The following PCDHGA1 variants were observed in gnomAD, a reference collection of about 807,000 sequenced individuals.
PCDHGA1 encodes the protein protocadherin gamma-A1.
In PCDHGA1, 32 loss-of-function variants were observed where a neutral mutation model predicts 58.0. The observed-to-expected ratio is 0.55, with a 90% CI of 0.42 to 0.74. PCDHGA1 has a LOEUF of 0.74. PCDHGA1 is among the 30% of genes least tolerant of loss of function. PCDHGA1 has a pLI of 0.00. For missense variants in PCDHGA1, 1,205 were observed against 1,182.3 expected, an observed-to-expected ratio of 1.02 and a Z score of -0.28; for synonymous variants, 498 against 501.1, an observed-to-expected ratio of 0.99 and a Z score of 0.08.
intron 2 of PCDHGA1, among the ~76,000 whole-genome samples, chr5:141,501,015 C>T (rs950216755): frequency 6.6e-5 from 10 of 151,866 alleles, no homozygotes; most frequent in African/African-American, 2.4e-4. Context: ...ACTACAGGCA[C>T]GCGCCACCAC....
At chr5:141,448,926 C>T (rs528128105) in intron 1 of PCDHGA1, among the ~76,000 whole-genome samples, 5 of 152,256 alleles carry the variant, frequency 3.3e-5, no homozygotes, top group African/African-American at 9.6e-5. Context: ...GCCTGGGCGA[C>T]AGAGCAAGAC....
rs1246027327 is a variant in PCDHGA1, at chr5:141,491,976, C to A, written c.2422-2831C>A. On this transcript the variant is annotated intron_variant, in intron 1 of 3. Transcript: ENST00000517417. This position sits in a 1 kb window ranked among gnomAD's most constrained non-coding sequence, Gnocchi z 6.9. ...ACTCAAAAAAGGCCGGGGCCTCCTT[C>A]GAGCTTCCGGTGAATTTCGGGCGAT... 3 of 800,708 alleles carry A rather than the reference C, an allele frequency of 3.7e-6. No individual in the cohort carries two copies. The Admixed American group carries it at 1.1e-4, about 30-fold the overall frequency. 49.6% of individuals were successfully genotyped at this position (800,708 alleles called of 1,614,324 possible).
At chr5:141,395,348 A>T (rs2093219591) in intron 1 of PCDHGA1, 1 of 1,391,964 alleles carries the variant, frequency 7.2e-7, no homozygotes, top group East Asian at 2.4e-5. Flanking sequence ...AAGGTGTATC[A>T]CAGAGTTTTG....
intron 1 of PCDHGA1, among the ~76,000 whole-genome samples, chr5:141,401,668 A>G (rs2094180828): frequency 6.6e-6 from 1 of 152,254 alleles, no homozygotes; most frequent in Non-Finnish European, 1.5e-5. Flanking sequence ...TTTTCTCAAC[A>G]TCCTTGTAGG....
At chr5:141,483,258 T>G (rs2099579023) in intron 1 of PCDHGA1, among the ~76,000 whole-genome samples, 1 of 137,930 alleles carries the variant, frequency 7.3e-6, no homozygotes, top group South Asian at 2.1e-4. Flanking sequence ...TCATGAGGTT[T>G]TTTTGTTTTA....
intron 1 of PCDHGA1, chr5:141,362,349 G>A (rs765171901): frequency 1.2e-6 from 2 of 1,613,918 alleles, no homozygotes; most frequent in Admixed American, 1.7e-5. Flanking sequence ...CTGGACCTGG[G>A]GTTCTCCCCA....
At chr5:141,405,410 T>C (rs1483035668) in intron 1 of PCDHGA1, 2 of 1,557,296 alleles carry the variant, frequency 1.3e-6, no homozygotes, top group Non-Finnish European at 1.8e-6. Context: ...TTCTTTTCTT[T>C]TTTTGTTTTT....
chr5:141,375,216 T>A (rs1368760534), intron 1 of PCDHGA1: 1 of 1,614,014 alleles, frequency 6.2e-7, no homozygotes, highest in Admixed American at 1.7e-5. Context: ...GACTCTGGCC[T>A]GAATGGCCTG....
chr5:141,399,576 C>G, intron 1 of PCDHGA1: 1 of 1,614,028 alleles, frequency 6.2e-7, no homozygotes, highest in South Asian at 1.1e-5. Flanking sequence ...ACGGCCAAGT[C>G]TCCTACTCTA....
intron 1 of PCDHGA1, chr5:141,372,656 G>T: frequency 6.2e-7 from 1 of 1,613,956 alleles, no homozygotes; most frequent in Non-Finnish European, 8.5e-7. Flanking sequence ...CCTACAATCC[G>T]TGTGCTGCCT....
Position 141,486,775 on chromosome 5 carries a change from G to A in PCDHGA1, c.2422-8032G>A, listed in dbSNP as rs2099634725. On this transcript the variant is annotated intron_variant, in intron 1 of 3. Coordinates refer to ENST00000517417, the MANE Select transcript of PCDHGA1 (RefSeq NM_018912.3). This position sits in a 1 kb window ranked among gnomAD's most constrained non-coding sequence, Gnocchi z 5.0. ...AGCAAACCCAGACACTGCAGTTTGA[G>A]GTGCAGGCCCGGGATCGGGGCAACC... 7 of 1,614,122 alleles carry A rather than the reference G, an allele frequency of 4.3e-6. No individual in the cohort carries two copies. Among genetic ancestry groups the A allele is most frequent in the Non-Finnish European group, 5.9e-6 (7 of 1,180,060 alleles).
At chr5:141,399,380 T>A (rs1361218028) in intron 1 of PCDHGA1, 5 of 1,613,820 alleles carry the variant, frequency 3.1e-6, no homozygotes, top group Non-Finnish European at 4.2e-6. Context: ...AATGTCACCA[T>A]CACAGCCACA....
rs986276637 is a variant in PCDHGA1, at chr5:141,487,728, C to A, written c.2422-7079C>A. The A allele has an allele frequency of 3.2e-6, 5 of 1,570,444 alleles. No individual in the cohort carries two copies. The highest frequency in any genetic ancestry group is 2.3e-5 in the East Asian group (1 of 42,866). On this transcript the variant is annotated intron_variant, in intron 1 of 3. Transcript: ENST00000517417. The surrounding 1 kb of genome is among the most constrained non-coding windows in gnomAD (Gnocchi z 5.0). ...TCAGTAAGTGCCCATAGTGATGTCACCATTTTTGTAAGAGGTAACTATGTG... is the reference window on the plus strand; with the variant it reads ...TCAGTAAGTGCCCATAGTGATGTCAACATTTTTGTAAGAGGTAACTATGTG...
intron 1 of PCDHGA1, among the ~76,000 whole-genome samples, chr5:141,396,908 C>G (rs987572785): frequency 1.3e-5 from 2 of 152,146 alleles, no homozygotes; most frequent in Admixed American, 6.5e-5. Context: ...TGGCACTTTG[C>G]AATTTTAAAA....
Position 141,366,618 on chromosome 5 carries a change from C to T in PCDHGA1, c.2421+33513C>T, listed in dbSNP as rs781279706. Reference sequence around the variant, plus strand: ...CACGAGGTCTCCCTCACCGCGGACTCGAGGAAGAGTCACCTGATCTTTCCC... The same window carrying T: ...CACGAGGTCTCCCTCACCGCGGACTTGAGGAAGAGTCACCTGATCTTTCCC... On this transcript the variant is annotated intron_variant, in intron 1 of 3. Coordinates refer to ENST00000517417, the MANE Select transcript of PCDHGA1 (RefSeq NM_018912.3). 7.4e-6 allele frequency: 12 copies of T among 1,614,114 alleles called. No homozygotes were observed. Among genetic ancestry groups the T allele is most frequent in the Non-Finnish European group, 1.0e-5 (12 of 1,180,056 alleles).
chr5:141,414,938 C>G (rs1407853248), intron 1 of PCDHGA1: 1 of 1,614,116 alleles, frequency 6.2e-7, no homozygotes, highest in Admixed American at 1.7e-5. Flanking sequence ...TCCGCAGAGC[C>G]CGGCTACCTG....
rs1340187415 is a variant in PCDHGA1, at chr5:141,334,211, G to A, written c.2421+1106G>A. Reference sequence around the variant, plus strand: ...ATTGAAGGTTAGGAAACTGCCTCCAGCAATGTAATAGGGACAGAAGTGCTT... The same window carrying A: ...ATTGAAGGTTAGGAAACTGCCTCCAACAATGTAATAGGGACAGAAGTGCTT... On this transcript the variant is annotated intron_variant, in intron 1 of 3. Transcript: ENST00000517417. This position sits in a 1 kb window ranked among gnomAD's most constrained non-coding sequence, Gnocchi z 4.6. 1 of 152,242 alleles carries A rather than the reference G, an allele frequency of 6.6e-6. No homozygotes were observed. Among genetic ancestry groups the A allele is most frequent in the East Asian group, 1.9e-4 (1 of 5,202 alleles). 9.4% of individuals were successfully genotyped at this position (152,242 alleles called of 1,614,324 possible). A position where few individuals can be genotyped will look rare whatever the true frequency, so the allele number is the denominator to read the frequency against.
At chr5:141,357,344 A>G in intron 1 of PCDHGA1, 1 of 1,614,080 alleles carries the variant, frequency 6.2e-7, no homozygotes, top group Non-Finnish European at 8.5e-7. Context: ...CTAGCACTCA[A>G]GCTGAGACGC....
intron 1 of PCDHGA1, chr5:141,403,431 C>T: frequency 6.2e-7 from 1 of 1,614,028 alleles, no homozygotes; most frequent in Non-Finnish European, 8.5e-7. Context: ...GCTATTGATC[C>T]GGATGTTGGC....
Sources: allele counts gnomAD v4.1 joint callset (sites outside exome capture counted in the v4.1 genomes callset), GRCh38; gene constraint gnomAD v4.1.1; non-coding constraint Gnocchi (gnomAD v3.1); transcripts MANE v1.5; gene names NCBI Gene and HGNC (gene_info 2026-07-23, HGNC 2026-07-21).